Variants in DGKB observed in about 807,000 individuals in gnomAD.
The protein encoded by DGKB is diacylglycerol kinase beta.
A neutral mutation model predicts 114.3 loss-of-function variants in DGKB; 67 were observed. The ratio of observed to expected loss-of-function variants is 0.59; its 90% CI spans 0.48 to 0.72. DGKB has a LOEUF of 0.72. Ranked by LOEUF, DGKB falls within the 30% of genes least tolerant of loss-of-function variation. The probability of loss-of-function intolerance (pLI) is 0.00; values close to 1 mark genes in which losing one functional copy is unlikely to be tolerated. For missense variants in DGKB, 907 were observed against 975.2 expected, an observed-to-expected ratio of 0.93 and a Z score of 0.93; for synonymous variants, 398 against 323.1, an observed-to-expected ratio of 1.23 and a Z score of -2.49.
At chr7:14,734,737 T>C (rs1831454449) in intron 5 of DGKB, among the ~76,000 whole-genome samples, 1 of 152,208 alleles carries the variant, frequency 6.6e-6, no homozygotes, top group South Asian at 2.1e-4. Context: ...ATTCTTGTTA[T>C]TTTTGGAATG....
intron 21 of DGKB, among the ~76,000 whole-genome samples, chr7:14,427,106 G>T (rs369326092): frequency 6.6e-6 from 1 of 151,920 alleles, no homozygotes; most frequent in African/African-American, 2.4e-5. Context: ...GGAGTGGGGG[G>T]TGGGAGAGCA....
rs10229778 is a variant in DGKB, at chr7:14,789,962, T to C, written c.71-32231A>G. 2.3e-3 allele frequency among the ~76,000 whole-genome samples: 351 copies of C among 152,324 alleles called. 1 individual carries two copies. The highest frequency in any genetic ancestry group is 8.0e-3 in the African/African-American group (331 of 41,578). On this transcript the variant is annotated intron_variant, in intron 2 of 25. Transcript: ENST00000402815. ...CACCCTTTCCAGTAGTTGATGTCGT[T>C]ACCAATTTTTGTTTAGCTATTCTAA...
intron 1 of DGKB, among the ~76,000 whole-genome samples, chr7:14,941,867 C>T (rs1188071103): frequency 6.6e-6 from 1 of 151,892 alleles, no homozygotes; most frequent in Non-Finnish European, 1.5e-5. Flanking sequence ...GGTATAATTT[C>T]AAAAAATATT....
rs577706380 is a variant in DGKB, at chr7:14,355,556, T to C, written c.1836-10165A>G. 1.1e-4 allele frequency among the ~76,000 whole-genome samples: 17 copies of C among 152,288 alleles called. No homozygotes were observed. In the East Asian group the frequency reaches 3.1e-3, roughly 28 times the overall value. Reference sequence around the variant, plus strand: ...ATAATCATGTGGTTTTTGTCGTTGGTTCTGTTTATGTGATGGATTAATTTA... The same window carrying C: ...ATAATCATGTGGTTTTTGTCGTTGGCTCTGTTTATGTGATGGATTAATTTA... On this transcript the variant is annotated intron_variant, in intron 21 of 25. Transcript: ENST00000402815.
intron 21 of DGKB, among the ~76,000 whole-genome samples, chr7:14,350,108 C>A (rs1813178631): frequency 6.6e-6 from 1 of 152,028 alleles, no homozygotes; most frequent in Non-Finnish European, 1.5e-5. Context: ...ACCAGATAGC[C>A]AGGTAAAGAC....
intron 21 of DGKB, among the ~76,000 whole-genome samples, chr7:14,406,502 A>G (rs535549675): frequency 6.6e-6 from 1 of 152,186 alleles, no homozygotes; most frequent in South Asian, 2.1e-4. Context: ...TCCAGGTACT[A>G]CTGATCACGA....
chr7:14,629,104 C>A (rs562469750), intron 14 of DGKB, among the ~76,000 whole-genome samples: 3 of 151,750 alleles, frequency 2.0e-5, no homozygotes, highest in African/African-American at 4.8e-5. Flanking sequence ...GGCTGGTAAT[C>A]GGGGCAGAAA....
At chr7:14,561,929 A>T (rs1014441859) in intron 20 of DGKB, among the ~76,000 whole-genome samples, 1 of 152,218 alleles carries the variant, frequency 6.6e-6, no homozygotes, top group Non-Finnish European at 1.5e-5. Context: ...CTGTCTCCAG[A>T]GCATGCGAGA....
intron 1 of DGKB, among the ~76,000 whole-genome samples, chr7:14,923,001 C>T (rs563315399): frequency 2.5e-4 from 38 of 152,292 alleles, no homozygotes; most frequent in Non-Finnish European, 1.5e-4. Context: ...AACATCTCCC[C>T]TTTCTCCATC....
chr7:14,801,027 G>A (rs1400698615), intron 2 of DGKB, among the ~76,000 whole-genome samples: 1 of 152,118 alleles, frequency 6.6e-6, no homozygotes, highest in East Asian at 1.9e-4. Flanking sequence ...AGGAAAAAAG[G>A]ACTGTAATGG....
At chr7:14,576,098 A>G (rs1799083233) in intron 19 of DGKB, among the ~76,000 whole-genome samples, 1 of 152,200 alleles carries the variant, frequency 6.6e-6, no homozygotes, top group African/African-American at 2.4e-5. Context: ...ATAAACATTG[A>G]AAATATTAAA....
At chr7:14,618,566 G>A (rs548229647) in intron 15 of DGKB, among the ~76,000 whole-genome samples, 46 of 151,632 alleles carry the variant, frequency 3.0e-4, no homozygotes, top group Admixed American at 2.6e-3. Flanking sequence ...GTAAGAAGTC[G>A]CAGTTTCAAT....
At chr7:14,164,070 G>A (rs1253067191) in intron 25 of DGKB, among the ~76,000 whole-genome samples, 1 of 151,728 alleles carries the variant, frequency 6.6e-6, no homozygotes, top group Non-Finnish European at 1.5e-5. Context: ...AAATACTGTA[G>A]TATTTATTTC....
intron 1 of DGKB, among the ~76,000 whole-genome samples, chr7:14,913,832 G>A (rs1784107825): frequency 6.6e-6 from 1 of 152,124 alleles, no homozygotes; most frequent in Non-Finnish European, 1.5e-5. Flanking sequence ...AGCTAAGCAA[G>A]CTAATCAATA....
chr7:14,837,570 T>C (rs887781950), intron 2 of DGKB, among the ~76,000 whole-genome samples: 6 of 152,314 alleles, frequency 3.9e-5, no homozygotes, highest in African/African-American at 1.2e-4. Flanking sequence ...TATACTTCTT[T>C]AATGTACATA....
chr7:14,810,086 T>G (rs1380895867), intron 2 of DGKB, among the ~76,000 whole-genome samples: 1 of 152,208 alleles, frequency 6.6e-6, no homozygotes, highest in Non-Finnish European at 1.5e-5. Flanking sequence ...AAGTTTTTCC[T>G]GGAGACTTGA....
At chr7:14,502,209 C>A (rs543060283) in intron 20 of DGKB, among the ~76,000 whole-genome samples, 24 of 152,032 alleles carry the variant, frequency 1.6e-4, no homozygotes, top group Non-Finnish European at 2.2e-4. Context: ...TTGGAAAAAA[C>A]CAGCTTTCAC....
At chr7:14,650,820 C>CA (rs1814287991) in intron 13 of DGKB, among the ~76,000 whole-genome samples, 1 of 146,812 alleles carries the variant, frequency 6.8e-6, no homozygotes, top group Non-Finnish European at 1.5e-5. Flanking sequence ...GGGATATCAC[C>CA]ACAGATCCCA....
At chr7:14,939,327 G>A (rs1172906719) in intron 1 of DGKB, among the ~76,000 whole-genome samples, 7 of 152,150 alleles carry the variant, frequency 4.6e-5, no homozygotes, top group Admixed American at 3.9e-4. Flanking sequence ...GTAAATGTTT[G>A]TTGAGTGCTG....
Sources: allele counts gnomAD v4.1 joint callset (sites outside exome capture counted in the v4.1 genomes callset), GRCh38; gene constraint gnomAD v4.1.1; transcripts MANE v1.5; gene names NCBI Gene and HGNC (gene_info 2026-07-23, HGNC 2026-07-21).